DTNA: variants seen among roughly 807,000 people sequenced by gnomAD.
DTNA encodes the protein dystrophin-related protein 3.
A neutral mutation model predicts 100.7 loss-of-function variants in DTNA; 43 were observed. The ratio of observed to expected loss-of-function variants is 0.43; its 90% confidence interval spans 0.33 to 0.55. DTNA has a LOEUF of 0.55. Ranked by LOEUF, DTNA falls within the 20% of genes least tolerant of loss-of-function variation. The pLI is 0.04. For missense variants in DTNA, 798 were observed against 953.9 expected (o/e 0.84, Z 2.15); for synonymous variants, 349 against 347.9 (o/e 1.00, Z -0.04).
chr18:34,774,851 C>G (rs2093965397), intron 3 of DTNA, among the ~76,000 whole-genome samples: 1 of 152,192 alleles, frequency 6.6e-6, no homozygotes, highest in African/African-American at 2.4e-5. Context: ...TCAAGTTTCT[C>G]AAGTCATAAA....
intron 1 of DTNA, among the ~76,000 whole-genome samples, chr18:34,615,037 A>G (rs2054963439): frequency 1.3e-5 from 2 of 152,226 alleles, no homozygotes; most frequent in African/African-American, 2.4e-5. Flanking sequence ...ATAAAGAAAT[A>G]CCTAAAGCTG....
At chr18:34,740,573 A>G (rs2090449735) in intron 1 of DTNA, among the ~76,000 whole-genome samples, 2 of 152,166 alleles carry the variant, frequency 1.3e-5, no homozygotes, top group Non-Finnish European at 2.9e-5. Context: ...AGGATCTCCC[A>G]ATCCCAAGAG....
intron 7 of DTNA, among the ~76,000 whole-genome samples, chr18:34,816,473 T>C (rs987934250): frequency 1.3e-5 from 2 of 152,246 alleles, no homozygotes; most frequent in African/African-American, 4.8e-5. Flanking sequence ...GAGCTTTCAA[T>C]AGTTGTACTT....
At chr18:34,770,070 T>C (rs1255416859) in intron 3 of DTNA, among the ~76,000 whole-genome samples, 2 of 152,042 alleles carry the variant, frequency 1.3e-5, no homozygotes, top group Admixed American at 1.3e-4. Flanking sequence ...AGTTCTGCCC[T>C]CAAGTCCTGA....
chr18:34,872,517 G>A (rs143906321), intron 17 of DTNA, among the ~76,000 whole-genome samples: 222 of 152,264 alleles, frequency 1.5e-3, no homozygotes, highest in African/African-American at 5.0e-3. Flanking sequence ...TGCAGATATC[G>A]TATCAGTTAC....
At chr18:34,882,489 C>T (rs1006832835) in intron 21 of DTNA, among the ~76,000 whole-genome samples, 2 of 152,110 alleles carry the variant, frequency 1.3e-5, no homozygotes, top group Non-Finnish European at 2.9e-5. Context: ...CTGCCTCAGC[C>T]TCCCGAGTAG....
At chr18:34,771,465 A>G (rs1195815693) in intron 3 of DTNA, among the ~76,000 whole-genome samples, 1 of 152,130 alleles carries the variant, frequency 6.6e-6, no homozygotes, top group African/African-American at 2.4e-5. Context: ...GTGCCACTGC[A>G]CTCCAGCCTG....
At chr18:34,837,795 A>G (rs577280868) in intron 11 of DTNA, among the ~76,000 whole-genome samples, 24 of 152,338 alleles carry the variant, frequency 1.6e-4, no homozygotes, top group African/African-American at 5.8e-4. Flanking sequence ...ATATGCCATG[A>G]TAAATGTTGA....
intron 1 of DTNA, among the ~76,000 whole-genome samples, chr18:34,518,378 T>C (rs1428247347): frequency 6.6e-6 from 1 of 152,160 alleles, no homozygotes; most frequent in African/African-American, 2.4e-5. Context: ...CTTGTCTTTT[T>C]TTCTTGTTAT....
intron 1 of DTNA, among the ~76,000 whole-genome samples, chr18:34,605,139 G>T (rs2052759915): frequency 6.6e-6 from 1 of 151,198 alleles, no homozygotes; most frequent in Non-Finnish European, 1.5e-5. Flanking sequence ...ATCTGGGTAA[G>T]AAATTAAATT....
At chr18:34,620,666 C>G (rs906726562) in intron 1 of DTNA, among the ~76,000 whole-genome samples, 3 of 151,996 alleles carry the variant, frequency 2.0e-5, no homozygotes, top group Non-Finnish European at 4.4e-5. Context: ...TCTCACATGC[C>G]CTGAGAAGGA....
rs139063298 is a variant in DTNA at position 34,734,616 on chromosome 18, C to G, written c.-1-21360C>G. ...GGGCAATCTTAGCAGATTTGAGGCT[C>G]AGTGTCTGCTTCTGAAGCTGGGAGA... On this transcript the variant is annotated intron_variant, in intron 1 of 22. Transcript: ENST00000444659. 7.8e-4 allele frequency among the ~76,000 whole-genome samples: 119 copies of G among 152,242 alleles called. No individual in the cohort carries two copies. The East Asian group carries it at 0.021, about 27-fold the overall frequency.
chr18:34,684,506 C>T (rs1041766809), intron 1 of DTNA, among the ~76,000 whole-genome samples: 1 of 152,042 alleles, frequency 6.6e-6, no homozygotes, highest in African/African-American at 2.4e-5. Flanking sequence ...CATATTATTC[C>T]ATGGTGTATT....
At chr18:34,812,280 C>A (rs76038129) in intron 6 of DTNA, among the ~76,000 whole-genome samples, 167 bp downstream of exon 6, 1 of 152,120 alleles carries the variant, frequency 6.6e-6, no homozygotes, top group Non-Finnish European at 1.5e-5. Flanking sequence ...TAACTAAACC[C>A]AGCACATCTG....
intron 1 of DTNA, among the ~76,000 whole-genome samples, chr18:34,616,716 A>G (rs2055359876): frequency 6.6e-6 from 1 of 152,246 alleles, no homozygotes; most frequent in African/African-American, 2.4e-5. Flanking sequence ...TGCTTTGAGC[A>G]ATATGGTCAT....
chr18:34,533,268 AG>A (rs2043330815), intron 1 of DTNA, among the ~76,000 whole-genome samples: 1 of 151,618 alleles, frequency 6.6e-6, no homozygotes, highest in African/African-American at 2.4e-5. Flanking sequence ...GCTACTTGGG[AG>A]GCTGAGGCAG....
At position 34,734,204 on chromosome 18, in the gene DTNA, T is replaced by C. The variant is rs559163789; in HGVS notation, c.-1-21772T>C. 8.5e-5 allele frequency among the ~76,000 whole-genome samples: 13 copies of C among 152,316 alleles called. 1 individual carries two copies. In the South Asian group the frequency reaches 2.5e-3, roughly 29 times the overall value. On this transcript the variant is annotated intron_variant, in intron 1 of 22. Coordinates refer to ENST00000444659, the MANE Select transcript of DTNA (RefSeq NM_001386795.1). ...CTCAGGAGAATCAACATTATCTTGCTTGACAACTGCCTCAGGAGAGTCACT... is the reference window on the plus strand; with the variant it reads ...CTCAGGAGAATCAACATTATCTTGCCTGACAACTGCCTCAGGAGAGTCACT...
intron 1 of DTNA, among the ~76,000 whole-genome samples, chr18:34,562,900 T>C (rs2046764029): frequency 6.6e-6 from 1 of 152,198 alleles, no homozygotes; most frequent in Admixed American, 6.5e-5. Flanking sequence ...ATTTATTGTT[T>C]AAATGCAGGG....
intron 20 of DTNA, among the ~76,000 whole-genome samples, chr18:34,881,295 A>G (rs1022953860): frequency 1.3e-5 from 2 of 152,168 alleles, no homozygotes; most frequent in African/African-American, 4.8e-5. Context: ...TTTTAGTCCT[A>G]TGATTTAGGT....
Sources: allele counts gnomAD v4.1 joint callset (sites outside exome capture counted in the v4.1 genomes callset), GRCh38; gene constraint gnomAD v4.1.1; transcripts MANE v1.5; gene names NCBI Gene and HGNC (gene_info 2026-07-23, HGNC 2026-07-21).